The following TMEM245 variants were observed in gnomAD, a reference collection of about 807,000 sequenced individuals.
TMEM245 encodes the protein transmembrane protein 245.
Under a neutral mutation model 101.2 loss-of-function variants are expected in TMEM245, and 69 were observed. That is an observed-to-expected ratio of 0.68 (90% CI 0.56 to 0.83). TMEM245 has a LOEUF of 0.83. TMEM245 is among the 40% of genes least tolerant of loss of function. The pLI, the probability that TMEM245 is intolerant of heterozygous loss-of-function variation, is 0.00. For synonymous variants in TMEM245, 537 were observed against 449.8 expected, an observed-to-expected ratio of 1.19 and a Z score of -2.45; for missense variants, 1,075 against 1,092.8, an observed-to-expected ratio of 0.98 and a Z score of 0.23.
intron 3 of TMEM245, among the ~76,000 whole-genome samples, chr9:109,100,380 G>A (rs1290403275): frequency 1.3e-5 from 2 of 152,134 alleles, no homozygotes; most frequent in Non-Finnish European, 2.9e-5. Context: ...CTGGAGTACA[G>A]TGGCATGATT....
Position 109,020,334 on chromosome 9 carries a change from G to C in TMEM245, c.*126C>G, listed in dbSNP as rs1422868996. On this transcript the variant is annotated 3_prime_UTR_variant, in exon 18 of 18. Transcript: ENST00000374586. ...TCCAGGCATTCTGTATGTAAGGCCA[G>C]GAGGCTTCTGCTTCTTTCCTGGGTT... 4 of 897,610 alleles carry C rather than the reference G, an allele frequency of 4.5e-6. No homozygotes were observed. The Admixed American group carries it at 6.8e-5, about 15-fold the overall frequency. 55.6% of individuals were successfully genotyped at this position (897,610 alleles called of 1,614,324 possible).
chr9:109,075,493 C>G (rs1386770754), intron 8 of TMEM245, among the ~76,000 whole-genome samples: 1 of 152,156 alleles, frequency 6.6e-6, no homozygotes, highest in Non-Finnish European at 1.5e-5. Context: ...TGGGCCTGAG[C>G]GCTTCTTGGT....
chr9:109,082,947 A>G (rs556613796), intron 7 of TMEM245, among the ~76,000 whole-genome samples: 1 of 152,294 alleles, frequency 6.6e-6, no homozygotes, highest in South Asian at 2.1e-4. Context: ...ATTATTTAAG[A>G]TGCTCAAAAA....
chr9:109,113,916 C>A (rs764003870), intron 1 of TMEM245, among the ~76,000 whole-genome samples: 1 of 152,120 alleles, frequency 6.6e-6, no homozygotes, highest in African/African-American at 2.4e-5. Context: ...ATGGTGGAAC[C>A]CCGTCTCTAC....
At chr9:109,021,084 GGC>G (rs963615269) in intron 17 of TMEM245, among the ~76,000 whole-genome samples, 23 of 152,206 alleles carry the variant, frequency 1.5e-4, no homozygotes, top group Admixed American at 2.6e-4. Context: ...CAATGTTATT[GGC>G]GGGTAATATC....
rs1328596563 is a variant in TMEM245, at chr9:109,020,171, A to C, written c.*289T>G. Reference sequence around the variant, plus strand: ...GTAACATAGATAACCAAAGTGGAAAAATTTCAAGCCAGGGTACCAGTGTAT... The same window carrying C: ...GTAACATAGATAACCAAAGTGGAAACATTTCAAGCCAGGGTACCAGTGTAT... On this transcript the variant is annotated 3_prime_UTR_variant, in exon 18 of 18. Transcript: ENST00000374586. The C allele has an allele frequency of 2.9e-6, 1 of 346,360 alleles. No individual in the cohort carries two copies. Among genetic ancestry groups the C allele is most frequent in the Non-Finnish European group, 5.4e-6 (1 of 185,480 alleles). The allele number at this position is 346,360 out of a possible 1,614,324, so 21.5% of individuals were successfully genotyped here.
At chr9:109,076,143 CAAT>C (rs1449010979) in intron 8 of TMEM245, among the ~76,000 whole-genome samples, 1 of 152,044 alleles carries the variant, frequency 6.6e-6, no homozygotes, top group Admixed American at 6.5e-5. Flanking sequence ...AAATGTCCAA[CAAT>C]GATAGACTGG....
chr9:109,099,033 T>G (rs1830215606), intron 3 of TMEM245, among the ~76,000 whole-genome samples: 1 of 152,204 alleles, frequency 6.6e-6, no homozygotes, highest in South Asian at 2.1e-4. Context: ...CACTCCATTC[T>G]TTTTCACAGG....
At chr9:109,095,526 G>T (rs1049580093) in intron 3 of TMEM245, among the ~76,000 whole-genome samples, 1 of 152,140 alleles carries the variant, frequency 6.6e-6, no homozygotes, top group Non-Finnish European at 1.5e-5. Context: ...TAAGAAACTG[G>T]TATCAAATAA....
At chr9:109,031,244 G>A (rs188536566) in intron 17 of TMEM245, among the ~76,000 whole-genome samples, 103 of 152,256 alleles carry the variant, frequency 6.8e-4, no homozygotes, top group African/African-American at 2.1e-3. Flanking sequence ...AGTACTGTGC[G>A]CATGTCCACC....
At chr9:109,086,793 G>A (rs190984762) in intron 6 of TMEM245, among the ~76,000 whole-genome samples, 5 of 152,180 alleles carry the variant, frequency 3.3e-5, no homozygotes, top group Admixed American at 1.3e-4. Flanking sequence ...CTGATTTTCC[G>A]TAGGACTTAA....
In TMEM245 at chr9:109,043,210, A is replaced by G. The variant is rs1828370800; in HGVS notation, c.2124-5093T>C. Among the ~76,000 whole-genome samples, 2 of 152,174 alleles carry G rather than the reference A, an allele frequency of 1.3e-5. 1 individual carries two copies. The highest frequency in any genetic ancestry group is 1.3e-4 in the Admixed American group (2 of 15,284). Reference sequence around the variant, plus strand: ...TTTTGGATAGTCAATTTCAGTAAACACTTCCCTGTCTTACTATCTATGAAA... The same window carrying G: ...TTTTGGATAGTCAATTTCAGTAAACGCTTCCCTGTCTTACTATCTATGAAA... On this transcript the variant is annotated intron_variant, in intron 14 of 17. Transcript: ENST00000374586.
At chr9:109,118,432 A>C (rs1375902742) in intron 1 of TMEM245, among the ~76,000 whole-genome samples, 1 of 152,228 alleles carries the variant, frequency 6.6e-6, no homozygotes, top group Non-Finnish European at 1.5e-5. Context: ...TTACGCACTA[A>C]ATCTCCACTT....
chr9:109,088,756 C>T (rs916258347), intron 5 of TMEM245, among the ~76,000 whole-genome samples: 8 of 137,510 alleles, frequency 5.8e-5, no homozygotes, highest in African/African-American at 1.4e-4. Flanking sequence ...GTGAAGCTTG[C>T]AATGAGCCGA....
intron 7 of TMEM245, among the ~76,000 whole-genome samples, chr9:109,082,444 T>A (rs72760345): frequency 0.13 from 20,311 of 152,158 alleles, 1,592 homozygotes; most frequent in African/African-American, 0.19. Flanking sequence ...AGAAACCAAT[T>A]GAAAACTAGT....
At chr9:109,051,350 A>G (rs1349826470) in intron 12 of TMEM245, among the ~76,000 whole-genome samples, 2 of 148,108 alleles carry the variant, frequency 1.4e-5, no homozygotes, top group African/African-American at 5.1e-5. Flanking sequence ...ATCATTGTAG[A>G]TTATGTAAAA....
chr9:109,101,652 TAAACA>T (rs2132618289), intron 3 of TMEM245, among the ~76,000 whole-genome samples: 1 of 152,314 alleles, frequency 6.6e-6, no homozygotes, highest in South Asian at 2.1e-4. Context: ...AAATGAAAGT[TAAACA>T]AAATAAATAA....
Position 109,052,284 on chromosome 9 carries a change from GATGAT to G in TMEM245, c.1855-1597_1855-1593del, listed in dbSNP as rs543269190. ...ACAATGCTGTGAACGAAGAAATGCA[GATGAT>G]ATTATCTCTATTTTATACATACATA... On this transcript the variant is annotated intron_variant, in intron 12 of 17. Transcript: ENST00000374586. Among the ~76,000 whole-genome samples, 201 of 152,316 alleles carry G rather than the reference GATGAT, an allele frequency of 1.3e-3. 1 individual carries two copies. Among genetic ancestry groups the G allele is most frequent in the African/African-American group, 4.4e-3 (184 of 41,564 alleles).
chr9:109,061,696 G>A (rs1369343207), intron 10 of TMEM245, among the ~76,000 whole-genome samples: 1 of 151,958 alleles, frequency 6.6e-6, no homozygotes, highest in Non-Finnish European at 1.5e-5. Flanking sequence ...AGCCTCCTGA[G>A]TAGCTGGGAT....
Sources: gnomAD v4.1 joint callset for allele counts (sites outside exome capture counted in the v4.1 genomes callset) on GRCh38, gnomAD v4.1.1 for gene constraint, MANE v1.5 for transcripts, NCBI Gene and HGNC (gene_info 2026-07-23, HGNC 2026-07-21) for gene names.